Variants in POU2F2 observed in about 807,000 individuals in gnomAD.
The protein encoded by POU2F2 is POU domain, class 2, transcription factor 2.
POU2F2 carries 14 observed loss-of-function variants against 63.5 expected under a neutral mutation model. That is an observed-to-expected ratio of 0.22 (90% confidence interval 0.15 to 0.34). The LOEUF is 0.34. Ranked by LOEUF, POU2F2 falls within the 10% of genes least tolerant of loss-of-function variation. The pLI, the probability that POU2F2 is intolerant of heterozygous loss-of-function variation, is 1.00. For synonymous variants in POU2F2, 306 were observed against 348.6 expected (o/e 0.88, Z 1.36); for missense variants, 607 against 815.2 (o/e 0.74, Z 3.11).
At chr19:42,138,670 T>G (rs1055297153) in intron 2 of POU2F2, among the ~76,000 whole-genome samples, 6 of 151,526 alleles carry the variant, frequency 4.0e-5, no homozygotes, top group Non-Finnish European at 5.9e-5. Context: ...AAAGGAGCCA[T>G]GAGGATTAGG....
intron 1 of POU2F2, among the ~76,000 whole-genome samples, chr19:42,196,004 T>C (rs2064845396): frequency 6.6e-6 from 1 of 152,204 alleles, no homozygotes; most frequent in African/African-American, 2.4e-5. Context: ...GGTCTCGAAC[T>C]CCTGACCTCA....
At chr19:42,141,189 T>C (rs1353899320) in intron 2 of POU2F2, among the ~76,000 whole-genome samples, 1 of 152,222 alleles carries the variant, frequency 6.6e-6, no homozygotes, top group Non-Finnish European at 1.5e-5. Flanking sequence ...AGAAGAGGGC[T>C]CAGTTTGACA....
Position 42,091,236 on chromosome 19 carries a change from G to C in POU2F2, c.*21C>G. ...ACCAAGGCAGGGACCAGAGGAATGG[G>C]AGGGGAGGCATGGCTGGCCCTCACT... is the stretch of plus-strand genomic sequence containing the variant. On this transcript the variant is annotated 3_prime_UTR_variant, in exon 15 of 15. Transcript: ENST00000692977. The C allele has an allele frequency of 2.0e-6, 3 of 1,518,234 alleles. No individual in the cohort carries two copies. Among genetic ancestry groups the C allele is most frequent in the Non-Finnish European group, 2.6e-6 (3 of 1,137,092 alleles). 94.0% of individuals were successfully genotyped at this position (1,518,234 alleles called of 1,614,324 possible).
chr19:42,112,559 G>A (rs372758634), intron 5 of POU2F2, among the ~76,000 whole-genome samples: 1 of 152,038 alleles, frequency 6.6e-6, no homozygotes, highest in African/African-American at 2.4e-5. Flanking sequence ...TAGTAGAGAC[G>A]GGGTTTTACC....
rs2076920765 is a variant in POU2F2 at position 42,096,319 on chromosome 19, C to T, written c.568-76G>A. The T allele has an allele frequency of 2.9e-6, 4 of 1,379,588 alleles. No homozygotes were observed. Among genetic ancestry groups the T allele is most frequent in the Non-Finnish European group, 3.8e-6 (4 of 1,040,096 alleles). The allele number at this position is 1,379,588 out of a possible 1,614,324, so 85.5% of individuals were successfully genotyped here. A position where few individuals can be genotyped will look rare whatever the true frequency, so the allele number is the denominator to read the frequency against. Reference sequence around the variant, plus strand: ...GCTCAGCGATGGGTGCACAGTCCCCCTCCCGCCCTCTTCGCCCCTGCGTTC... The same window carrying T: ...GCTCAGCGATGGGTGCACAGTCCCCTTCCCGCCCTCTTCGCCCCTGCGTTC... On this transcript the variant is annotated intron_variant, in intron 7 of 14. Transcript: ENST00000692977. This position sits in a 1 kb window ranked among gnomAD's most constrained non-coding sequence, Gnocchi z 4.1.
At chr19:42,124,490 G>A (rs569358968) in intron 1 of POU2F2, among the ~76,000 whole-genome samples, 1 of 152,182 alleles carries the variant, frequency 6.6e-6, no homozygotes, top group East Asian at 1.9e-4. Flanking sequence ...GCTGGTGGGA[G>A]TGTAAATTGA....
intron 5 of POU2F2, among the ~76,000 whole-genome samples, chr19:42,112,415 G>T (rs1178764435): frequency 2.6e-5 from 4 of 152,060 alleles, no homozygotes; most frequent in Non-Finnish European, 5.9e-5. Flanking sequence ...TGTTGCCCAG[G>T]CTGGAGTGCA....
intron 1 of POU2F2, among the ~76,000 whole-genome samples, chr19:42,172,439 A>C (rs1490189192): frequency 6.6e-6 from 1 of 152,122 alleles, no homozygotes; most frequent in East Asian, 1.9e-4. Context: ...ACACCACTCA[A>C]TAAATACCTA....
chr19:42,191,392 C>G (rs542773563), intron 1 of POU2F2, among the ~76,000 whole-genome samples: 1 of 152,236 alleles, frequency 6.6e-6, no homozygotes, highest in Admixed American at 6.5e-5. Flanking sequence ...TTCCATGACT[C>G]TCACAGCACT....
intron 1 of POU2F2, among the ~76,000 whole-genome samples, chr19:42,183,705 AGGCTTC>A (rs1267182683): frequency 6.6e-6 from 1 of 152,192 alleles, no homozygotes; most frequent in Non-Finnish European, 1.5e-5. Flanking sequence ...CAGTGACGGA[AGGCTTC>A]TGAGAAGAGG....
chr19:42,124,481 C>T (rs1208580659), intron 1 of POU2F2, among the ~76,000 whole-genome samples: 3 of 151,784 alleles, frequency 2.0e-5, no homozygotes, highest in Non-Finnish European at 2.9e-5. Flanking sequence ...TCATGCATTG[C>T]TGGTGGGAGT....
intron 1 of POU2F2, among the ~76,000 whole-genome samples, chr19:42,188,776 G>A (rs896018664): frequency 4.2e-5 from 6 of 143,362 alleles, no homozygotes; most frequent in Non-Finnish European, 9.2e-5. Flanking sequence ...AGGGAGGGAG[G>A]GAGGGAAGGA....
chr19:42,150,653 C>T (rs1363849275), intron 2 of POU2F2, among the ~76,000 whole-genome samples: 7 of 151,912 alleles, frequency 4.6e-5, no homozygotes, highest in Non-Finnish European at 1.0e-4. Context: ...CACCCCCCTC[C>T]CTGCCTCCTG....
intron 1 of POU2F2, among the ~76,000 whole-genome samples, chr19:42,194,705 G>A (rs1249163170): frequency 1.6e-5 from 2 of 124,724 alleles, no homozygotes; most frequent in Non-Finnish European, 3.2e-5. Context: ...GTTACAGTGA[G>A]CCGAAATCAC....
chr19:42,145,930 T>C (rs1194488151), intron 2 of POU2F2, among the ~76,000 whole-genome samples: 1 of 142,962 alleles, frequency 7.0e-6, no homozygotes, highest in African/African-American at 2.6e-5. Flanking sequence ...CGAGACTCTG[T>C]CTCAAAAAAA....
At chr19:42,102,126 G>A (rs532033296) in intron 5 of POU2F2, among the ~76,000 whole-genome samples, 1 of 152,330 alleles carries the variant, frequency 6.6e-6, no homozygotes, top group East Asian at 1.9e-4. Flanking sequence ...GGCAGGACTT[G>A]AAGATAGCCC....
At chr19:42,181,026 G>A (rs1878805303) in intron 1 of POU2F2, among the ~76,000 whole-genome samples, 1 of 152,110 alleles carries the variant, frequency 6.6e-6, no homozygotes. Flanking sequence ...AGTATGTTAA[G>A]AGTCTGTGGT....
intron 1 of POU2F2, among the ~76,000 whole-genome samples, chr19:42,190,629 T>G (rs1025418598): frequency 6.6e-6 from 1 of 152,042 alleles, no homozygotes; most frequent in African/African-American, 2.4e-5. Context: ...CGAGGCAGGC[T>G]GATCACTTGA....
rs1177541369 is a variant in POU2F2 at position 42,096,228 on chromosome 19, T to G, written c.583A>C (p.Thr195Pro). 6.3e-7 allele frequency: 1 copy of G among 1,589,558 alleles called. No individual in the cohort carries two copies. Among genetic ancestry groups the G allele is most frequent in the South Asian group, 1.1e-5 (1 of 88,166 alleles). ...TGCGAGAGGTGCGGGTCGGGCAGCG[T>G]AGGGCGGGTCACGGCCTGGTGGGGT... ...GLPTQAVTRPTLPDPHLSHPQ... is the reference protein window; with the variant it reads ...GLPTQAVTRPPLPDPHLSHPQ... The change falls in exon 8 of 15, where the codon ACG (threonine) becomes CCG (proline). Residue 195 changes from threonine to proline, a missense_variant. Coordinates refer to ENST00000692977, the MANE Select transcript of POU2F2 (RefSeq NM_001394376.1). This position sits in a 1 kb window ranked among gnomAD's most constrained non-coding sequence, Gnocchi z 4.1.
Sources: allele counts gnomAD v4.1 joint callset (sites outside exome capture counted in the v4.1 genomes callset), GRCh38; gene constraint gnomAD v4.1.1; non-coding constraint Gnocchi (gnomAD v3.1); transcripts MANE v1.5; gene names NCBI Gene and HGNC (gene_info 2026-07-23, HGNC 2026-07-21).